AK8: variants seen among roughly 807,000 people sequenced by gnomAD.
AK8 encodes the protein ATP-AMP transphosphorylase 8.
AK8 carries 44 observed loss-of-function variants against 54.6 expected under a neutral mutation model. That is an observed-to-expected ratio of 0.81 (90% CI 0.63 to 1.04). The LOEUF is 1.04. Ranked by LOEUF, AK8 falls within the 50% of genes least tolerant of loss-of-function variation. The pLI, the probability that AK8 is intolerant of heterozygous loss-of-function variation, is 0.00. For missense variants in AK8, 555 were observed against 613.6 expected (o/e 0.90, Z 1.01); for synonymous variants, 239 against 245.6 (o/e 0.97, Z 0.25).
intron 5 of AK8, among the ~76,000 whole-genome samples, chr9:132,838,991 G>A (rs1437170249): frequency 6.6e-6 from 1 of 152,040 alleles, no homozygotes; most frequent in Non-Finnish European, 1.5e-5. Context: ...TCGCCCAGAT[G>A]GAGAGTGCAG....
At chr9:132,842,282 T>C (rs1430128663) in intron 5 of AK8, among the ~76,000 whole-genome samples, 1 of 152,252 alleles carries the variant, frequency 6.6e-6, no homozygotes, top group Non-Finnish European at 1.5e-5. Flanking sequence ...GGTACAGAAC[T>C]GGGGAATTAT....
At chr9:132,854,176 G>A (rs561672895) in intron 5 of AK8, among the ~76,000 whole-genome samples, 17 of 152,128 alleles carry the variant, frequency 1.1e-4, no homozygotes, top group East Asian at 5.8e-4. Flanking sequence ...GTCCAGCCTC[G>A]GTGACAGAGC....
chr9:132,850,726 G>A (rs1016142504), intron 5 of AK8, among the ~76,000 whole-genome samples: 8 of 151,876 alleles, frequency 5.3e-5, no homozygotes, highest in African/African-American at 1.9e-4. Context: ...TAGAGACGGG[G>A]TTTTGCCATG....
At chr9:132,843,273 G>T (rs1013247782) in intron 5 of AK8, among the ~76,000 whole-genome samples, 5 of 152,104 alleles carry the variant, frequency 3.3e-5, no homozygotes, top group African/African-American at 1.2e-4. Context: ...GGTTAAAAGT[G>T]TGTGGCGCCT....
intron 11 of AK8, among the ~76,000 whole-genome samples, chr9:132,744,873 G>T (rs1242096137): frequency 6.6e-6 from 1 of 152,210 alleles, no homozygotes; most frequent in African/African-American, 2.4e-5. Flanking sequence ...CGTAAGACAA[G>T]AATTAATTTA....
intron 11 of AK8, chr9:132,769,764 T>G (rs905686813): frequency 6.6e-6 from 1 of 152,194 alleles, no homozygotes; most frequent in Non-Finnish European, 1.5e-5. Flanking sequence ...TGTTAATTAA[T>G]AAAGCTGTCA....
At chr9:132,849,685 T>A (rs887139555) in intron 5 of AK8, among the ~76,000 whole-genome samples, 1 of 152,176 alleles carries the variant, frequency 6.6e-6, no homozygotes, top group South Asian at 2.1e-4. Context: ...CAGAACAAGC[T>A]CGTGAGAACT....
chr9:132,853,790 A>T (rs1424799700), intron 5 of AK8, among the ~76,000 whole-genome samples: 1 of 150,750 alleles, frequency 6.6e-6, no homozygotes, highest in African/African-American at 2.4e-5. Context: ...CCTCAAAAAA[A>T]AAAAAAAAAA....
intron 12 of AK8, among the ~76,000 whole-genome samples, chr9:132,726,293 C>G: frequency 6.9e-6 from 1 of 145,898 alleles, no homozygotes; most frequent in Non-Finnish European, 1.5e-5. Context: ...CTCCCTCCCT[C>G]CCTTCCTTTC....
intron 2 of AK8, among the ~76,000 whole-genome samples, chr9:132,870,646 C>G (rs1164525561): frequency 1.3e-5 from 2 of 152,262 alleles, no homozygotes; most frequent in Non-Finnish European, 2.9e-5. Context: ...CCGGGGCTCC[C>G]TCTGCTCCCT....
chr9:132,782,932 A>G (rs1839539857), intron 11 of AK8, among the ~76,000 whole-genome samples: 2 of 152,208 alleles, frequency 1.3e-5, no homozygotes, highest in Admixed American at 6.5e-5. Flanking sequence ...CCCAAACTCT[A>G]GGGATATAAT....
chr9:132,751,401 A>C (rs1018695329), intron 11 of AK8, among the ~76,000 whole-genome samples: 31 of 150,552 alleles, frequency 2.1e-4, no homozygotes, highest in Admixed American at 6.0e-4. Flanking sequence ...AAAAAACAAA[A>C]AAAACCAACT....
intron 9 of AK8, 72 bp from the exon 10 acceptor site, chr9:132,814,799 C>T (rs1841245177): frequency 5.2e-6 from 7 of 1,355,420 alleles, no homozygotes; most frequent in Middle Eastern, 2.1e-4. Context: ...AAAAGAACCC[C>T]CAGTGCTGCC....
chr9:132,728,543 A>C (rs1836682193), intron 11 of AK8, among the ~76,000 whole-genome samples: 1 of 152,198 alleles, frequency 6.6e-6, no homozygotes, highest in Non-Finnish European at 1.5e-5. Context: ...TGACAAACTC[A>C]GTGTGAGGTC....
chr9:132,732,209 GT>G (rs1490446170), intron 11 of AK8, among the ~76,000 whole-genome samples: 1 of 151,908 alleles, frequency 6.6e-6, no homozygotes, highest in East Asian at 1.9e-4. Flanking sequence ...ATTAAACAAT[GT>G]TTTTTTCCAC....
chr9:132,872,945 G>A (rs922022791), intron 2 of AK8, among the ~76,000 whole-genome samples: 1 of 152,152 alleles, frequency 6.6e-6, no homozygotes, highest in African/African-American at 2.4e-5. Context: ...CCCAGTAGCT[G>A]GGACTACAGG....
intron 11 of AK8, among the ~76,000 whole-genome samples, chr9:132,779,004 A>C (rs1839346676): frequency 6.6e-6 from 1 of 152,004 alleles, no homozygotes; most frequent in Non-Finnish European, 1.5e-5. Context: ...TTCCAAGCCA[A>C]TGAGAAGAAC....
At chr9:132,779,956 G>A (rs115743731) in intron 11 of AK8, among the ~76,000 whole-genome samples, 3,723 of 152,290 alleles carry the variant, frequency 0.024, 149 homozygotes, top group African/African-American at 0.085. Flanking sequence ...CTGGGCTGTT[G>A]AATGGATGGA....
intron 5 of AK8, among the ~76,000 whole-genome samples, chr9:132,832,672 T>C (rs943054299): frequency 1.3e-5 from 2 of 152,218 alleles, no homozygotes; most frequent in African/African-American, 2.4e-5. Context: ...GCAATCATTA[T>C]AATCTCACCC....
Sources: gnomAD v4.1 joint callset for allele counts (sites outside exome capture counted in the v4.1 genomes callset) on GRCh38, gnomAD v4.1.1 for gene constraint, MANE v1.5 for transcripts, NCBI Gene and HGNC (gene_info 2026-07-23, HGNC 2026-07-21) for gene names.